The following RBFOX3 variants were observed in gnomAD, a reference collection of about 807,000 sequenced individuals.
The protein encoded by RBFOX3 is RNA binding fox-1 homolog 3, also known as RNA binding protein fox-1 homolog 3.
RBFOX3 carries 17 observed loss-of-function variants against 48.7 expected under a neutral mutation model. The observed-to-expected ratio is 0.35, with a 90% CI of 0.24 to 0.52. The LOEUF is 0.52. Among genes scored for constraint, RBFOX3 ranks in the 20% least tolerant of loss-of-function variants. RBFOX3 has a pLI of 0.94. For missense variants in RBFOX3, 382 were observed against 497.5 expected (o/e 0.77, Z 2.21); for synonymous variants, 212 against 209.5 (o/e 1.01, Z -0.10).
intron 2 of RBFOX3, among the ~76,000 whole-genome samples, chr17:79,354,770 T>G (rs1775965043): frequency 6.6e-6 from 1 of 152,230 alleles, no homozygotes; most frequent in Non-Finnish European, 1.5e-5. Flanking sequence ...CTCCGGCCCC[T>G]CAGAGAGGGG....
intron 4 of RBFOX3, among the ~76,000 whole-genome samples, chr17:79,192,681 C>G (rs1011855935): frequency 1.1e-4 from 16 of 152,150 alleles, no homozygotes; most frequent in Admixed American, 1.0e-3. Context: ...AGACCGTCAG[C>G]ACCAGGGACA....
rs116092298 is a variant in RBFOX3 at position 79,322,675 on chromosome 17, G to A, written c.-174-14851C>T. ...CCGCTGAGACAGGGACTCCTAGGCA[G>A]GGGTTGAGGACGGACCAAGCAGCTT... On this transcript the variant is annotated intron_variant, in intron 2 of 14. Coordinates refer to ENST00000693108, the MANE Select transcript of RBFOX3 (RefSeq NM_001350451.2). Among the ~76,000 whole-genome samples the A allele has an allele frequency of 7.6e-3, 1,150 of 152,302 alleles. 12 individuals are homozygous for A. The highest frequency in any genetic ancestry group is 0.026 in the African/African-American group (1,096 of 41,562).
At chr17:79,379,563 A>C (rs1417393968) in intron 2 of RBFOX3, among the ~76,000 whole-genome samples, 1 of 152,022 alleles carries the variant, frequency 6.6e-6, no homozygotes, top group Admixed American at 6.5e-5. Flanking sequence ...AGAGAGAATT[A>C]CACCCTGGCC....
chr17:79,469,935 A>G (rs1441625920), intron 2 of RBFOX3, among the ~76,000 whole-genome samples: 1 of 152,048 alleles, frequency 6.6e-6, no homozygotes, highest in African/African-American at 2.4e-5. Flanking sequence ...GAGATGGAAG[A>G]CCATCTCATC....
At chr17:79,143,372 G>T (rs2042303624) in intron 4 of RBFOX3, among the ~76,000 whole-genome samples, 1 of 111,598 alleles carries the variant, frequency 9.0e-6, no homozygotes, top group Non-Finnish European at 2.1e-5. Context: ...TGTTGGTGGA[G>T]CGGGGGGTGG....
intron 4 of RBFOX3, among the ~76,000 whole-genome samples, chr17:79,138,828 C>G (rs1190447253): frequency 2.2e-5 from 3 of 138,250 alleles, no homozygotes; most frequent in Non-Finnish European, 3.1e-5. Flanking sequence ...CACCCCCTCA[C>G]CCACACACAT....
chr17:79,646,376 A>C, the RBFOX3 span, among the ~76,000 whole-genome samples: 1 of 152,234 alleles, frequency 6.6e-6, no homozygotes, highest in Non-Finnish European at 1.5e-5. Context: ...GTCTGTTCTC[A>C]CACTGCTAAT....
chr17:79,662,077 A>G, the RBFOX3 span, among the ~76,000 whole-genome samples: 2 of 44,778 alleles, frequency 4.5e-5, no homozygotes, highest in South Asian at 1.0e-3. Context: ...TATCTTCTAG[A>G]AGACAGATTT....
intron 2 of RBFOX3, among the ~76,000 whole-genome samples, chr17:79,371,673 C>T (rs934277817): frequency 6.6e-6 from 1 of 152,158 alleles, no homozygotes; most frequent in African/African-American, 2.4e-5. Flanking sequence ...CTCCAGGACA[C>T]CCCCAGCAGC....
At chr17:79,605,757 A>G (rs1386936842) in intron 1 of RBFOX3, among the ~76,000 whole-genome samples, 1 of 152,216 alleles carries the variant, frequency 6.6e-6, no homozygotes, top group African/African-American at 2.4e-5. Context: ...TGCAGTAGCA[A>G]GTGCTTGGCT....
At chr17:79,654,883 C>T in the RBFOX3 span, among the ~76,000 whole-genome samples, 3 of 152,356 alleles carry the variant, frequency 2.0e-5, no homozygotes, top group African/African-American at 4.8e-5. Flanking sequence ...CAAATGCCTC[C>T]TGGCTGCTTC....
chr17:79,452,280 G>A (rs1366384141), intron 2 of RBFOX3, among the ~76,000 whole-genome samples: 2 of 152,120 alleles, frequency 1.3e-5, no homozygotes, highest in East Asian at 1.9e-4. Context: ...ATGGGCAATC[G>A]GCAGTGCAGG....
At chr17:79,415,194 C>G (rs998639867) in intron 2 of RBFOX3, among the ~76,000 whole-genome samples, 1 of 152,188 alleles carries the variant, frequency 6.6e-6, no homozygotes, top group Non-Finnish European at 1.5e-5. Context: ...GTACCTGGGC[C>G]GAGGCCCAGC....
the RBFOX3 span, among the ~76,000 whole-genome samples, chr17:79,640,868 G>A: frequency 1.3e-5 from 2 of 151,974 alleles, no homozygotes; most frequent in Non-Finnish European, 2.9e-5. Flanking sequence ...AAAACATAGG[G>A]AAAAAAACTT....
intron 2 of RBFOX3, among the ~76,000 whole-genome samples, chr17:79,370,588 C>CGTGT (rs1568127039): frequency 6.6e-6 from 1 of 151,750 alleles, no homozygotes; most frequent in East Asian, 1.9e-4. Context: ...GGCACACACA[C>CGTGT]GTACACGTCT....
chr17:79,652,558 G>GAA, the RBFOX3 span, among the ~76,000 whole-genome samples: 2 of 568 alleles, frequency 3.5e-3, no homozygotes, highest in African/African-American at 0.011. Flanking sequence ...AGAAAGAGAG[G>GAA]AAGGAAAGGA....
chr17:79,582,212 G>A (rs976337414), intron 1 of RBFOX3, among the ~76,000 whole-genome samples: 6,931 of 147,620 alleles, frequency 0.047, 309 homozygotes, highest in African/African-American at 0.084. Flanking sequence ...ATGTGCCTGT[G>A]CGTGCCTGTG....
intron 2 of RBFOX3, among the ~76,000 whole-genome samples, chr17:79,451,763 C>T (rs782794944): frequency 9.9e-5 from 15 of 152,236 alleles, no homozygotes; most frequent in Non-Finnish European, 1.6e-4. Flanking sequence ...CTCTGAAAAA[C>T]GGTGACAATA....
intron 2 of RBFOX3, among the ~76,000 whole-genome samples, chr17:79,330,553 C>T (rs375724517): frequency 5.1e-5 from 6 of 118,378 alleles, no homozygotes; most frequent in Non-Finnish European, 7.0e-5. Flanking sequence ...CTCCGTTTTA[C>T]AGAGGCGGGG....
Sources: gnomAD v4.1 joint callset for allele counts (sites outside exome capture counted in the v4.1 genomes callset) on GRCh38, gnomAD v4.1.1 for gene constraint, MANE v1.5 for transcripts, NCBI Gene and HGNC (gene_info 2026-07-23, HGNC 2026-07-21) for gene names.